Variants in IRX2 observed in about 807,000 individuals in gnomAD.
IRX2 encodes the protein iroquois homeobox 2, also known as iroquois-class homeodomain protein IRX-2.
A neutral mutation model predicts 42.9 loss-of-function variants in IRX2; 26 were observed. The ratio of observed to expected loss-of-function variants is 0.61; its 90% CI spans 0.44 to 0.84. The LOEUF (loss-of-function observed/expected upper bound fraction) is 0.84. Among genes scored for constraint, IRX2 ranks in the 40% least tolerant of loss-of-function variants. IRX2 has a pLI of 0.00. For missense variants in IRX2, 782 were observed against 713.9 expected, an observed-to-expected ratio of 1.10 and a Z score of -1.09; for synonymous variants, 424 against 353.9, an observed-to-expected ratio of 1.20 and a Z score of -2.22.
downstream of IRX2, among the ~76,000 whole-genome samples, chr5:2,743,763 TTCTC>T (rs988414451): frequency 9.5e-5 from 14 of 147,238 alleles, no homozygotes; most frequent in Non-Finnish European, 1.0e-4. Flanking sequence ...ATCTCTCTCT[TTCTC>T]TCTCCTTCCT....
chr5:2,749,169 C>T, intron 2 of IRX2, 117 bp from the exon 3 acceptor site: 1 of 1,485,200 alleles, frequency 6.7e-7, no homozygotes, highest in African/African-American at 1.4e-5. Context: ...ACCTCGCCCC[C>T]ACCCGGCCAC....
the IRX2 span, chr5:2,736,799 A>G: frequency 6.6e-6 from 1 of 152,246 alleles, no homozygotes; most frequent in South Asian, 2.1e-4. Flanking sequence ...CCAGACGTAC[A>G]TAAGAATCAT....
rs776280500 is a variant in IRX2, at chr5:2,751,327, C to G, written c.87G>C (p.Ala29=). The G allele has an allele frequency of 6.9e-5, 100 of 1,438,862 alleles. No homozygotes were observed. The highest frequency in any genetic ancestry group is 8.8e-5 in the Non-Finnish European group (97 of 1,096,582). 89.1% of individuals were successfully genotyped at this position (1,438,862 alleles called of 1,614,324 possible). A position where few individuals can be genotyped will look rare whatever the true frequency, so the allele number is the denominator to read the frequency against. ...SCPAYGASAL[A]APRSEELARS... is the part of the protein sequence containing the mutation. ...GCGCCAGCTCCTCGCTGCGCGGAGC[C>G]GCCAAAGCCGACGCGCCGTAGGCCG... The change falls in exon 1 of 4, where the codon GCG becomes GCC. Residue 29 remains alanine (A), a synonymous_variant. Transcript: ENST00000302057. This position sits in a 1 kb window ranked among gnomAD's most constrained non-coding sequence, Gnocchi z 4.0.
At chr5:2,736,901 T>C in the IRX2 span, 2 of 152,232 alleles carry the variant, frequency 1.3e-5, no homozygotes, top group African/African-American at 4.8e-5. Flanking sequence ...AAACGTATTT[T>C]CCAAGGCAGG....
downstream of IRX2, among the ~76,000 whole-genome samples, chr5:2,743,616 C>T (rs1000865484): frequency 2.4e-4 from 37 of 152,152 alleles, no homozygotes; most frequent in African/African-American, 8.7e-4. Context: ...CTGGTCGCCC[C>T]GTTTTGCCGA....
At chr5:2,749,116 G>A (rs1385775587) in intron 2 of IRX2, 64 bp from the exon 3 acceptor site, 2 of 1,555,510 alleles carry the variant, frequency 1.3e-6, no homozygotes, top group Non-Finnish European at 1.7e-6. Context: ...AGCCCCCTCC[G>A]CCCCCTGTCC....
At chr5:2,750,757 A>G (rs1303076981) in intron 1 of IRX2, among the ~76,000 whole-genome samples, 1 of 152,090 alleles carries the variant, frequency 6.6e-6, no homozygotes, top group Non-Finnish European at 1.5e-5. Context: ...CAGAGGCCGC[A>G]GTGACGCGGA....
At position 2,751,396 on chromosome 5, in the gene IRX2, GC is replaced by G; in HGVS notation, c.17del (p.Gly6AlafsTer89). ...GCGAGCCGGGCGCCTGGTACAGGTA[GC>G]CCTGCGGGTAGGACATGGTGGGCGC... is the stretch of plus-strand genomic sequence containing the variant. MSYPQ[G>X]YLYQAPGSLA... On this transcript the variant is annotated frameshift_variant, in exon 1 of 4. Transcript: ENST00000302057. LOFTEE classifies it high-confidence loss of function. This position sits in a 1 kb window ranked among gnomAD's most constrained non-coding sequence, Gnocchi z 4.0. The G allele has an allele frequency of 7.1e-7, 1 of 1,405,330 alleles. No individual in the cohort carries two copies. 87.1% of individuals were successfully genotyped at this position (1,405,330 alleles called of 1,614,324 possible). A position where few individuals can be genotyped will look rare whatever the true frequency, so the allele number is the denominator to read the frequency against.
downstream of IRX2, among the ~76,000 whole-genome samples, chr5:2,741,176 G>A (rs1737531223): frequency 6.6e-6 from 1 of 152,242 alleles, no homozygotes; most frequent in Non-Finnish European, 1.5e-5. Context: ...CCTTTCCCCA[G>A]TAAGAAGGTG....
At chr5:2,744,843 T>C (rs1737622236), downstream of IRX2, among the ~76,000 whole-genome samples, 1 of 152,266 alleles carries the variant, frequency 6.6e-6, no homozygotes, top group African/African-American at 2.4e-5. Context: ...AACCTGGTTC[T>C]GCCCCCCTTC....
At chr5:2,750,926 ACGCGCGGGGGG>A (rs1381974110) in intron 1 of IRX2, among the ~76,000 whole-genome samples, 2 of 151,874 alleles carry the variant, frequency 1.3e-5, no homozygotes, top group East Asian at 3.9e-4. Context: ...AGCCGAGGGG[ACGCGCGGGGGG>A]CGCGCGGGTC....
Position 2,747,556 on chromosome 5 carries a change from C to A in IRX2, c.*8G>T, listed in dbSNP as rs200535388. ...GCCCACTTACTTGCATTGCTGTGCT[C>A]GGCCCTTCTATAGGTAGGGCTGGAC... On this transcript the variant is annotated 3_prime_UTR_variant, in exon 4 of 4. Coordinates refer to ENST00000302057, the MANE Select transcript of IRX2 (RefSeq NM_033267.5). 1 of 1,613,696 alleles carries A rather than the reference C, an allele frequency of 6.2e-7. No individual in the cohort carries two copies. Among genetic ancestry groups the A allele is most frequent in the Non-Finnish European group, 8.5e-7 (1 of 1,179,614 alleles).
intron 3 of IRX2, among the ~76,000 whole-genome samples, 194 bp from the exon 4 acceptor site, chr5:2,747,810 G>A (rs1737729207): frequency 6.6e-6 from 1 of 152,164 alleles, no homozygotes; most frequent in African/African-American, 2.4e-5. Context: ...TCCTCTTTCG[G>A]GTAGCCTGAC....
intron 3 of IRX2, 57 bp downstream of exon 3, chr5:2,748,288 C>CT: frequency 7.4e-7 from 1 of 1,347,932 alleles, no homozygotes; most frequent in South Asian, 1.8e-5. Flanking sequence ...GGCGCTCCGC[C>CT]TCCCCGGGGC....
chr5:2,742,341 C>T (rs1560945820), downstream of IRX2, among the ~76,000 whole-genome samples: 1 of 152,192 alleles, frequency 6.6e-6, no homozygotes, highest in Non-Finnish European at 1.5e-5. Context: ...TTTTCAGCAA[C>T]TGGAAAATTA....
chr5:2,744,073 C>CGT (rs10547927), downstream of IRX2, among the ~76,000 whole-genome samples: 9,909 of 140,040 alleles, frequency 0.071, 383 homozygotes, highest in East Asian at 0.2. Flanking sequence ...AGAATGGAGT[C>CGT]GTGTGTGTGT....
In IRX2 at chr5:2,748,986, A is replaced by G. The variant is rs1737809599; in HGVS notation, c.722T>C (p.Leu241Pro). The change falls in exon 3 of 4, where the codon CTT (leucine) becomes CCT (proline). Residue 241 changes from leucine to proline, a missense_variant. Transcript: ENST00000302057. ...CAGGGGGTCCCCGGCGCGGCACGGA[A>G]GCTTCTCCCCGTCCGACTCGGCCGA... ...SCSAESDGEK[L>P]PCRAGDPLCE... 3 of 1,597,160 alleles carry G rather than the reference A, an allele frequency of 1.9e-6. No individual in the cohort carries two copies. Among genetic ancestry groups the G allele is most frequent in the Non-Finnish European group, 2.5e-6 (3 of 1,179,374 alleles).
In IRX2 at chr5:2,749,056, T is replaced by TG; in HGVS notation, c.656-5dup. ...GAGTCCACGTGCAGGCTGATCCCTG[T>TG]GGGGGCGCGGGCACGGTGGGTGGCA... On this transcript the variant is annotated splice_polypyrimidine_tract_variant and splice_region_variant and intron_variant, in intron 2 of 3. Transcript: ENST00000302057. The TG allele has an allele frequency of 6.3e-7, 1 of 1,595,614 alleles. No homozygotes were observed.
chr5:2,742,541 G>C (rs1737566043), downstream of IRX2, among the ~76,000 whole-genome samples: 1 of 152,030 alleles, frequency 6.6e-6, no homozygotes, highest in Non-Finnish European at 1.5e-5. Context: ...TAGCCTCTTC[G>C]GTTAACGCTT....
Sources: gnomAD v4.1 joint callset for allele counts (sites outside exome capture counted in the v4.1 genomes callset) on GRCh38, gnomAD v4.1.1 for gene constraint, Gnocchi (gnomAD v3.1) non-coding constraint, MANE v1.5 for transcripts, NCBI Gene and HGNC (gene_info 2026-07-23, HGNC 2026-07-21) for gene names.